Variants in MYL4 observed in about 807,000 individuals in gnomAD.
The protein encoded by MYL4 is atrial myosin light chain 1.
MYL4 carries 16 observed loss-of-function variants against 21.6 expected under a neutral mutation model. That is an observed-to-expected ratio of 0.74 (90% confidence interval 0.50 to 1.12). The LOEUF (loss-of-function observed/expected upper bound fraction) is 1.12, where lower values mean the gene tolerates loss of function less well. Ranked by LOEUF, MYL4 falls within the 50% of genes most tolerant of loss-of-function variation. The pLI, the probability that MYL4 is intolerant of heterozygous loss-of-function variation, is 0.00. For missense variants in MYL4, 249 were observed against 252.9 expected, an observed-to-expected ratio of 0.98 and a Z score of 0.11; for synonymous variants, 82 against 95.7, an observed-to-expected ratio of 0.86 and a Z score of 0.83.
upstream of MYL4, among the ~76,000 whole-genome samples, chr17:47,196,402 T>C (rs779095211): frequency 4.3e-4 from 65 of 152,214 alleles, no homozygotes; most frequent in Non-Finnish European, 7.2e-4. Context: ...GGTATGTTGT[T>C]ATGGCAAGCC....
chr17:47,227,271 T>C (rs1385056970), downstream of MYL4, among the ~76,000 whole-genome samples: 1 of 152,250 alleles, frequency 6.6e-6, no homozygotes, highest in East Asian at 1.9e-4. Flanking sequence ...CTCCTAGTCA[T>C]CCCTTCCCCA....
At chr17:47,215,249 AAC>A (rs1386055134) in intron 2 of MYL4, among the ~76,000 whole-genome samples, 1 of 152,232 alleles carries the variant, frequency 6.6e-6, no homozygotes, top group Non-Finnish European at 1.5e-5. Flanking sequence ...TGGATATAGA[AAC>A]ACAATGACAC....
upstream of MYL4, among the ~76,000 whole-genome samples, chr17:47,198,695 C>A (rs760936988): frequency 5.3e-5 from 8 of 152,078 alleles, no homozygotes; most frequent in African/African-American, 1.9e-4. Context: ...TAATTGAAAA[C>A]GTGAAGCTTG....
intron 1 of MYL4, among the ~76,000 whole-genome samples, chr17:47,200,792 C>G (rs892870253): frequency 3.3e-5 from 5 of 152,214 alleles, no homozygotes; most frequent in Non-Finnish European, 7.3e-5. Flanking sequence ...GAGCTTCAAC[C>G]ATTTAAACAA....
At chr17:47,210,796 G>A (rs2064768525) in intron 1 of MYL4, among the ~76,000 whole-genome samples, 1 of 152,080 alleles carries the variant, frequency 6.6e-6, no homozygotes, top group African/African-American at 2.4e-5. Flanking sequence ...GGCTCACTCT[G>A]GGGAAACTGA....
At chr17:47,189,525 C>G in the MYL4 span, 1 of 381,796 alleles carries the variant, frequency 2.6e-6, no homozygotes, top group South Asian at 2.7e-5. Flanking sequence ...GCCCAATCGG[C>G]CGTCCCAGGG....
chr17:47,214,910 A>G (rs536374386), intron 2 of MYL4, among the ~76,000 whole-genome samples: 2 of 152,364 alleles, frequency 1.3e-5, no homozygotes, highest in East Asian at 3.9e-4. Context: ...TTAAACAATT[A>G]TATAGACTCT....
At chr17:47,202,854 A>G (rs1440118433) in intron 1 of MYL4, among the ~76,000 whole-genome samples, 2 of 152,186 alleles carry the variant, frequency 1.3e-5, no homozygotes, top group Non-Finnish European at 2.9e-5. Flanking sequence ...ATGTATATTG[A>G]TTTGTATTGT....
chr17:47,196,684 A>T (rs1325957047), upstream of MYL4, among the ~76,000 whole-genome samples: 1 of 152,118 alleles, frequency 6.6e-6, no homozygotes, highest in Non-Finnish European at 1.5e-5. Flanking sequence ...TCCTAGACCT[A>T]CCTAATTTAA....
chr17:47,199,228 A>G (rs112886940), upstream of MYL4, among the ~76,000 whole-genome samples: 14,446 of 150,326 alleles, frequency 0.096, 906 homozygotes, highest in African/African-American at 0.17. Flanking sequence ...GCAACAGAGC[A>G]AGACTCTGTC....
chr17:47,222,728 G>A (rs1257430464), intron 5 of MYL4, among the ~76,000 whole-genome samples: 4 of 152,146 alleles, frequency 2.6e-5, no homozygotes, highest in African/African-American at 9.7e-5. Flanking sequence ...CTGAGGGATG[G>A]GGGTGATGCT....
At chr17:47,199,376 G>A (rs541280545), upstream of MYL4, among the ~76,000 whole-genome samples, 223 of 151,500 alleles carry the variant, frequency 1.5e-3, no homozygotes, top group African/African-American at 5.0e-3. Flanking sequence ...AGAGTTTTCA[G>A]GCAGAACTAA....
chr17:47,213,899 G>A (rs2064794847), intron 2 of MYL4, 73 bp downstream of exon 2: 2 of 1,509,622 alleles, frequency 1.3e-6, no homozygotes, highest in Non-Finnish European at 1.8e-6. Context: ...AGGAAGAAGA[G>A]GAGGAGTAGT....
At chr17:47,201,579 C>G (rs2064709929) in intron 1 of MYL4, among the ~76,000 whole-genome samples, 1 of 152,100 alleles carries the variant, frequency 6.6e-6, no homozygotes, top group Non-Finnish European at 1.5e-5. Context: ...GCCTCAGTCT[C>G]CCAAGTAGCT....
chr17:47,209,154 A>T, upstream of MYL4: 1 of 582,190 alleles, frequency 1.7e-6, no homozygotes, highest in Non-Finnish European at 3.1e-6. Context: ...CCTGTCCTAG[A>T]GGTGAAGAGA....
upstream of MYL4, among the ~76,000 whole-genome samples, chr17:47,200,285 C>T (rs2064704811): frequency 2.0e-5 from 3 of 151,908 alleles, no homozygotes; most frequent in Middle Eastern, 6.8e-3. Context: ...AATATATCCC[C>T]AATTGCTGAG....
At chr17:47,196,759 T>C (rs1310003395), upstream of MYL4, among the ~76,000 whole-genome samples, 5 of 152,194 alleles carry the variant, frequency 3.3e-5, no homozygotes, top group African/African-American at 1.2e-4. Flanking sequence ...ATAGTATGTA[T>C]GGTAATTTTA....
intron 2 of MYL4, among the ~76,000 whole-genome samples, chr17:47,216,945 T>G (rs931792657): frequency 2.0e-5 from 3 of 152,122 alleles, no homozygotes; most frequent in Non-Finnish European, 2.9e-5. Flanking sequence ...CTGCCCGCCT[T>G]GGCCTCCCAA....
At chr17:47,211,222 C>T (rs559299828) in intron 1 of MYL4, among the ~76,000 whole-genome samples, 7 of 152,148 alleles carry the variant, frequency 4.6e-5, no homozygotes, top group Middle Eastern at 3.4e-3. Flanking sequence ...TATACTTACC[C>T]AGTTCCTTTG....
Sources: gnomAD v4.1 joint callset for allele counts (sites outside exome capture counted in the v4.1 genomes callset) on GRCh38, gnomAD v4.1.1 for gene constraint, MANE v1.5 for transcripts, NCBI Gene and HGNC (gene_info 2026-07-23, HGNC 2026-07-21) for gene names.